POLI: variants seen among roughly 807,000 people sequenced by gnomAD.
The protein encoded by POLI is DNA polymerase iota.
Under a neutral mutation model 51.6 loss-of-function variants are expected in POLI, and 58 were observed. The ratio of observed to expected loss-of-function variants is 1.12; its 90% CI spans 0.91 to 1.40. The LOEUF (loss-of-function observed/expected upper bound fraction) is 1.40. Among genes scored for constraint, POLI ranks in the 40% most tolerant of loss-of-function variants. The pLI is 0.00. For missense variants in POLI, 921 were observed against 871.3 expected, an observed-to-expected ratio of 1.06 and a Z score of -0.72; for synonymous variants, 322 against 299.7, an observed-to-expected ratio of 1.07 and a Z score of -0.77.
intron 6 of POLI, 63 bp from the exon 7 acceptor site, chr18:54,283,859 C>T: frequency 4.8e-6 from 3 of 629,100 alleles, no homozygotes; most frequent in Non-Finnish European, 8.4e-6. Flanking sequence ...TGACTGTACA[C>T]TGATAATAAT....
rs758805764 is a variant in POLI, at chr18:54,297,646, T to G, written c.*3179T>G. ...TTTTGGGATCAGTTGGGTTTTCTAT[T>G]TAATCATATATTTTCCCTTTACTGA... On this transcript the variant is annotated 3_prime_UTR_variant, in exon 10 of 10. Transcript: ENST00000579534. The G allele has an allele frequency of 1.1e-4, 112 of 980,274 alleles. No homozygotes were observed. Among genetic ancestry groups the G allele is most frequent in the Non-Finnish European group, 1.3e-4 (111 of 825,300 alleles). 60.7% of individuals were successfully genotyped at this position (980,274 alleles called of 1,614,324 possible).
chr18:54,270,069 G>T lies in POLI; in HGVS notation c.115+408G>T, dbSNP rs558392033. 5 of 992,480 alleles carry T rather than the reference G, an allele frequency of 5.0e-6. No individual in the cohort carries two copies. In the South Asian group the frequency reaches 2.3e-4, roughly 45 times the overall value. 61.5% of individuals were successfully genotyped at this position (992,480 alleles called of 1,614,324 possible). On this transcript the variant is annotated intron_variant, in intron 1 of 9. Transcript: ENST00000579534. ...ATCTCAGTCCTGGCAGGAAGGGATG[G>T]CTCAGAACCTAGGCGGAGTCAGGTC...
intron 5 of POLI, 66 bp downstream of exon 5, chr18:54,280,969 T>C (rs2087474040): frequency 1.2e-6 from 1 of 830,562 alleles, no homozygotes; most frequent in East Asian, 2.7e-5. Flanking sequence ...TAAAAAATTA[T>C]AGATACAATG....
At chr18:54,284,466 C>T (rs1329976783) in intron 7 of POLI, 1 of 152,208 alleles carries the variant, frequency 6.6e-6, no homozygotes, top group East Asian at 1.9e-4. Flanking sequence ...TGAAATTAAC[C>T]ATTTATCTGT....
intron 1 of POLI, chr18:54,270,544 C>T (rs955516115): frequency 1.3e-5 from 2 of 152,170 alleles, no homozygotes; most frequent in Non-Finnish European, 2.9e-5. Flanking sequence ...GTACATTTGT[C>T]AAAACTAGGA....
intron 6 of POLI, 33 bp downstream of exon 6, chr18:54,283,048 G>T (rs773637813): frequency 4.6e-6 from 6 of 1,316,312 alleles, no homozygotes; most frequent in Admixed American, 2.0e-5. Flanking sequence ...ATTAAGTACT[G>T]GTTATCACAT....
In POLI at chr18:54,294,972, G is replaced by A; in HGVS notation, c.*505G>A. 1.0e-6 allele frequency: 1 copy of A among 984,470 alleles called. No homozygotes were observed. Among genetic ancestry groups the A allele is most frequent in the Non-Finnish European group, 1.2e-6 (1 of 829,172 alleles). The allele number at this position is 984,470 out of a possible 1,614,324, so 61.0% of individuals were successfully genotyped here. A position where few individuals can be genotyped will look rare whatever the true frequency, so the allele number is the denominator to read the frequency against. On this transcript the variant is annotated 3_prime_UTR_variant, in exon 10 of 10. Transcript: ENST00000579534. ...GTATGTTGACTTTTAAAATACCAAA[G>A]CAATTTATATTCAATTAATGCTTCT... is the stretch of plus-strand genomic sequence containing the variant.
chr18:54,292,051 T>C lies in POLI; in HGVS notation c.1404+13T>C. On this transcript the variant is annotated intron_variant, in intron 9 of 9. Coordinates refer to ENST00000579534, the MANE Select transcript of POLI (RefSeq NM_007195.3). ...CAAGCACAGTTTTGTAAGTACACTCTTTTTTGTTCAGTTTTCTAAGTATAC... is the reference window on the plus strand; with the variant it reads ...CAAGCACAGTTTTGTAAGTACACTCCTTTTTGTTCAGTTTTCTAAGTATAC... 1 of 1,525,914 alleles carries C rather than the reference T, an allele frequency of 6.6e-7. No homozygotes were observed. The highest frequency in any genetic ancestry group is 1.1e-5 in the South Asian group (1 of 87,790). The allele number at this position is 1,525,914 out of a possible 1,614,324, so 94.5% of individuals were successfully genotyped here.
intron 5 of POLI, among the ~76,000 whole-genome samples, chr18:54,281,820 T>C (rs1042651481): frequency 6.6e-6 from 1 of 151,886 alleles, no homozygotes; most frequent in Non-Finnish European, 1.5e-5. Flanking sequence ...TTTTTTCTGC[T>C]GTGAAAAATC....
chr18:54,294,551 A>G lies in POLI; in HGVS notation c.*84A>G. ...TTTATTAAGCTCTTCTATATTAAAC[A>G]CTAATAGATATTCAATAACGGAGTA... On this transcript the variant is annotated 3_prime_UTR_variant, in exon 10 of 10. Coordinates refer to ENST00000579534, the MANE Select transcript of POLI (RefSeq NM_007195.3). 2 of 1,430,206 alleles carry G rather than the reference A, an allele frequency of 1.4e-6. No individual in the cohort carries two copies. Among genetic ancestry groups the G allele is most frequent in the Non-Finnish European group, 1.8e-6 (2 of 1,095,840 alleles). The allele number at this position is 1,430,206 out of a possible 1,614,324, so 88.6% of individuals were successfully genotyped here.
chr18:54,304,400 C>G (rs998325490), intron 3 of POLI, among the ~76,000 whole-genome samples: 1 of 152,204 alleles, frequency 6.6e-6, no homozygotes, highest in African/African-American at 2.4e-5. Flanking sequence ...GTTCCTATTT[C>G]TCCACATCCT....
rs1234623131 is a variant in POLI at position 54,271,505 on chromosome 18, A to G, written c.241+20A>G. ...CTTTAGGTAACTGTAGATTTATAAT[A>G]TTTTTAATTGCATAATGATTAGATT... On this transcript the variant is annotated intron_variant, in intron 2 of 9. Coordinates refer to ENST00000579534, the MANE Select transcript of POLI (RefSeq NM_007195.3). 6.7e-7 allele frequency: 1 copy of G among 1,485,574 alleles called. No homozygotes were observed. The allele number at this position is 1,485,574 out of a possible 1,614,324, so 92.0% of individuals were successfully genotyped here.
intron 3 of POLI, among the ~76,000 whole-genome samples, chr18:54,314,972 C>G (rs1268186388): frequency 6.7e-6 from 1 of 149,366 alleles, no homozygotes; most frequent in African/African-American, 2.5e-5. Flanking sequence ...TTCTGTTATG[C>G]TCTGATTTTG....
At chr18:54,315,374 A>G (rs542245491) in intron 3 of POLI, among the ~76,000 whole-genome samples, 3 of 152,128 alleles carry the variant, frequency 2.0e-5, no homozygotes, top group Non-Finnish European at 2.9e-5. Flanking sequence ...TGCTTTATGT[A>G]TGGCCAAGTA....
chr18:54,303,238 C>T (rs759549122), intron 3 of POLI, among the ~76,000 whole-genome samples: 1 of 152,124 alleles, frequency 6.6e-6, no homozygotes, highest in Admixed American at 6.6e-5. Context: ...GCCCTAAGTA[C>T]CTAATTAGCT....
At chr18:54,321,131 C>G (rs765234156) in exon 5 of POLI, 14 of 152,216 alleles carry the variant, frequency 9.2e-5, no homozygotes, top group Non-Finnish European at 1.6e-4. Context: ...TCCTGCCACC[C>G]TTTCAAAGCG....
chr18:54,292,238 A>G (rs1303232320), intron 9 of POLI, among the ~76,000 whole-genome samples, 200 bp downstream of exon 9: 1 of 152,142 alleles, frequency 6.6e-6, no homozygotes, highest in Non-Finnish European at 1.5e-5. Context: ...AAGAAAACAT[A>G]AGCATCACTG....
At chr18:54,281,472 A>G (rs934456088) in intron 5 of POLI, among the ~76,000 whole-genome samples, 4 of 152,204 alleles carry the variant, frequency 2.6e-5, no homozygotes, top group Admixed American at 1.3e-4. Context: ...TGGTATTGCT[A>G]GGGAATAAGA....
In POLI at chr18:54,274,519, TG is replaced by T. The variant is rs560702250; in HGVS notation, c.406+430del. Reference sequence around the variant, plus strand: ...AACATAATTAAAAACTGATTTCTTATGAAATATTAATAAAAATATTGGATAT... The same window carrying T: ...AACATAATTAAAAACTGATTTCTTATAAATATTAATAAAAATATTGGATAT... On this transcript the variant is annotated intron_variant, in intron 3 of 9. Transcript: ENST00000579534. Among the ~76,000 whole-genome samples the T allele has an allele frequency of 3.9e-5, 6 of 151,990 alleles. 1 individual carries two copies. The South Asian group carries it at 1.2e-3, about 31-fold the overall frequency.
Sources: gnomAD v4.1 joint callset for allele counts (sites outside exome capture counted in the v4.1 genomes callset) on GRCh38, gnomAD v4.1.1 for gene constraint, MANE v1.5 for transcripts, NCBI Gene and HGNC (gene_info 2026-07-23, HGNC 2026-07-21) for gene names.